Variants in ADGRB3 observed in about 807,000 individuals in gnomAD.
The protein encoded by ADGRB3 is adhesion G protein-coupled receptor B3, also known as brain-specific angiogenesis inhibitor 3.
ADGRB3 carries 37 observed loss-of-function variants against 193.4 expected under a neutral mutation model. The observed-to-expected ratio is 0.19, with a 90% confidence interval of 0.15 to 0.25. ADGRB3 has a LOEUF of 0.25. Among genes scored for constraint, ADGRB3 ranks in the 10% least tolerant of loss-of-function variants. ADGRB3 has a pLI of 1.00. For missense variants in ADGRB3, 1,637 were observed against 1,852.9 expected, an observed-to-expected ratio of 0.88 and a Z score of 2.14; for synonymous variants, 690 against 644.2, an observed-to-expected ratio of 1.07 and a Z score of -1.08.
intron 3 of ADGRB3, among the ~76,000 whole-genome samples, chr6:68,732,380 A>G (rs1361701017): frequency 2.0e-5 from 3 of 152,010 alleles, no homozygotes; most frequent in South Asian, 4.2e-4. Flanking sequence ...GTGAGAACAC[A>G]TAGAAACATA....
Position 68,639,127 on chromosome 6 carries a change from C to A in ADGRB3, c.452C>A (p.Ser151Tyr). The A allele has an allele frequency of 6.2e-7, 1 of 1,614,058 alleles. No homozygotes were observed. ...AAAAAAGGGGAAGAAGATCAGAAAT[C>A]TTTTTTTGAGTTTTTGGTATTGAAC... ...LQKKGEEDQK[S>Y]FFEFLVLNKV... Residue 151 changes from serine to tyrosine, a missense_variant, in exon 3 of 32, where the codon TCT becomes TAT. By Grantham distance (144) the Ser-to-Tyr change is moderately radical. This residue lies in a region of ADGRB3 where 365 missense variants were observed against 409.8 expected (regional missense o/e 0.89). Coordinates refer to ENST00000370598, the MANE Select transcript of ADGRB3 (RefSeq NM_001704.3).
chr6:68,831,267 C>T (rs1004701944), intron 3 of ADGRB3, among the ~76,000 whole-genome samples: 10 of 132,070 alleles, frequency 7.6e-5, no homozygotes, highest in South Asian at 2.4e-4. Context: ...CTCACTTAGG[C>T]GGCGGGAAAA....
intron 11 of ADGRB3, among the ~76,000 whole-genome samples, chr6:68,994,935 T>G (rs189367719): frequency 5.0e-4 from 76 of 152,262 alleles, no homozygotes; most frequent in Non-Finnish European, 9.4e-4. Flanking sequence ...AAAACAAGAC[T>G]TTTTAGAATC....
intron 15 of ADGRB3, among the ~76,000 whole-genome samples, chr6:69,061,317 G>A (rs1562142318): frequency 6.6e-6 from 1 of 151,544 alleles, no homozygotes; most frequent in East Asian, 1.9e-4. Context: ...CTCCAACCAC[G>A]GAATAACTCC....
intron 3 of ADGRB3, among the ~76,000 whole-genome samples, chr6:68,682,008 C>T (rs557516091): frequency 6.6e-6 from 1 of 152,226 alleles, no homozygotes; most frequent in South Asian, 2.1e-4. Context: ...TTTAGTTAGC[C>T]AGACAAGGGA....
intron 20 of ADGRB3, among the ~76,000 whole-genome samples, chr6:69,292,484 A>G (rs974022293): frequency 6.6e-6 from 1 of 152,176 alleles, no homozygotes; most frequent in African/African-American, 2.4e-5. Flanking sequence ...TAGTTTGTAT[A>G]TGAATGCATT....
At chr6:68,784,599 A>G (rs1284030769) in intron 3 of ADGRB3, among the ~76,000 whole-genome samples, 1 of 152,110 alleles carries the variant, frequency 6.6e-6, no homozygotes, top group African/African-American at 2.4e-5. Flanking sequence ...TGTCAAGTGT[A>G]TAAATTTCCT....
chr6:68,749,494 G>A (rs1198306172), intron 3 of ADGRB3, among the ~76,000 whole-genome samples: 1 of 150,004 alleles, frequency 6.7e-6, no homozygotes, highest in Non-Finnish European at 1.5e-5. Context: ...ATCAGTATTT[G>A]TATTTTATTG....
chr6:68,738,542 G>A (rs1297184202), intron 3 of ADGRB3, among the ~76,000 whole-genome samples: 3 of 152,150 alleles, frequency 2.0e-5, no homozygotes, highest in Non-Finnish European at 4.4e-5. Flanking sequence ...GCTAGAGGGA[G>A]AAGGTCGTGA....
At chr6:68,974,736 T>G in intron 8 of ADGRB3, 27 bp from the exon 9 acceptor site, 1 of 1,605,766 alleles carries the variant, frequency 6.2e-7, no homozygotes, top group East Asian at 2.2e-5. Flanking sequence ...ACTACTGACA[T>G]TCAAGTCCCT....
intron 13 of ADGRB3, among the ~76,000 whole-genome samples, chr6:69,026,648 T>C (rs1442582454): frequency 6.6e-6 from 1 of 152,202 alleles, no homozygotes; most frequent in Admixed American, 6.5e-5. Flanking sequence ...GCGAACATCA[T>C]AGAATGTACT....
intron 20 of ADGRB3, among the ~76,000 whole-genome samples, chr6:69,319,517 C>G (rs562005841): frequency 2.0e-5 from 3 of 151,246 alleles, no homozygotes; most frequent in African/African-American, 7.2e-5. Context: ...TTTTTGGTTA[C>G]TTTCTGAGAG....
At chr6:69,124,387 C>A (rs141421740) in intron 17 of ADGRB3, among the ~76,000 whole-genome samples, 41 of 152,166 alleles carry the variant, frequency 2.7e-4, no homozygotes, top group African/African-American at 9.4e-4. Flanking sequence ...ACATATTTAT[C>A]TTTTTCTGCA....
At chr6:68,743,616 G>C (rs1766024315) in intron 3 of ADGRB3, among the ~76,000 whole-genome samples, 1 of 151,928 alleles carries the variant, frequency 6.6e-6, no homozygotes, top group African/African-American at 2.4e-5. Context: ...TCTGAAAAGA[G>C]ATAAGGAAAT....
At chr6:69,140,814 GAGAA>G (rs1017870311) in intron 17 of ADGRB3, among the ~76,000 whole-genome samples, 2 of 151,794 alleles carry the variant, frequency 1.3e-5, no homozygotes, top group Non-Finnish European at 2.9e-5. Context: ...ATCAAAAAAA[GAGAA>G]AGATATGAAC....
At chr6:68,942,890 C>G (rs1201343806) in intron 5 of ADGRB3, among the ~76,000 whole-genome samples, 2 of 152,184 alleles carry the variant, frequency 1.3e-5, no homozygotes, top group Non-Finnish European at 1.5e-5. Flanking sequence ...GGATTACATG[C>G]ATGAGCCACC....
intron 3 of ADGRB3, among the ~76,000 whole-genome samples, chr6:68,807,235 C>CTTTTTTTTTTTTTTTTT (rs771342538): frequency 2.8e-4 from 28 of 100,198 alleles, no homozygotes; most frequent in African/African-American, 5.6e-4. Flanking sequence ...TTTCTTTTTT[C>CTTTTTTTTTTTTTTTTT]TTTTTTTTTT....
At chr6:69,328,052 A>G (rs3757054) in intron 22 of ADGRB3, among the ~76,000 whole-genome samples, 163 bp downstream of exon 22, 5,651 of 152,304 alleles carry the variant, frequency 0.037, 176 homozygotes, top group Admixed American at 0.095. Flanking sequence ...TACAAAGGTT[A>G]AGAAATAAAT....
intron 11 of ADGRB3, among the ~76,000 whole-genome samples, chr6:68,994,585 T>G (rs919553203): frequency 2.0e-5 from 3 of 152,216 alleles, no homozygotes; most frequent in Non-Finnish European, 4.4e-5. Flanking sequence ...CAGTATTGCC[T>G]TTGCCATTAA....
Sources: allele counts gnomAD v4.1 joint callset (sites outside exome capture counted in the v4.1 genomes callset), GRCh38; gene constraint gnomAD v4.1.1; regional missense constraint gnomAD v4.1.1; transcripts MANE v1.5; gene names NCBI Gene and HGNC (gene_info 2026-07-23, HGNC 2026-07-21).